The following GRK7 variants were observed in gnomAD, a reference collection of about 807,000 sequenced individuals.
GRK7 encodes rhodopsin kinase GRK7.
GRK7 carries 24 observed loss-of-function variants against 34.1 expected under a neutral mutation model. The observed-to-expected ratio is 0.70, with a 90% CI of 0.51 to 0.99. The LOEUF is 0.99. GRK7 is among the 50% of genes least tolerant of loss of function. The probability of loss-of-function intolerance (pLI) is 0.00; values close to 1 mark genes in which losing one functional copy is unlikely to be tolerated. For synonymous variants in GRK7, 256 were observed against 279.4 expected (o/e 0.92, Z 0.84); for missense variants, 644 against 707.3 (o/e 0.91, Z 1.02).
intron 4 of GRK7, among the ~76,000 whole-genome samples, chr3:141,805,060 A>C (rs1395107378): frequency 1.2e-4 from 1 of 8,452 alleles, no homozygotes; most frequent in African/African-American, 3.7e-3. Flanking sequence ...TCATATGCCC[A>C]CACACACACA....
chr3:141,780,467 G>A lies in GRK7; in HGVS notation c.706G>A (p.Ala236Thr), dbSNP rs372254837. 4.6e-5 allele frequency: 74 copies of A among 1,614,104 alleles called. No individual in the cohort carries two copies. Among genetic ancestry groups the A allele is most frequent in the Non-Finnish European group, 5.7e-5 (67 of 1,180,050 alleles). The change falls in exon 4 of 6, where the codon GCT (alanine) becomes ACT (threonine). Residue 236 changes from alanine to threonine, a missense_variant. By Grantham distance (58) the Ala-to-Thr change is moderately conservative. Coordinates refer to ENST00000682958, the MANE Select transcript of GRK7 (RefSeq NM_139209.3). ...GAAGAAGAAAGGTGGCGAGAAGATG[G>A]CTCTCTTGGAAAAGGAAATCTTGGA... The part of the protein sequence containing the change: ...RLKKKGGEKM[A>T]LLEKEILEKV...
At chr3:141,813,969 C>T (rs980116000) in intron 5 of GRK7, among the ~76,000 whole-genome samples, 3 of 152,088 alleles carry the variant, frequency 2.0e-5, no homozygotes, top group Non-Finnish European at 4.4e-5. Context: ...GTCAGTTATC[C>T]TCATTCTTGT....
intron 4 of GRK7, among the ~76,000 whole-genome samples, chr3:141,786,348 C>T (rs2084696148): frequency 6.6e-6 from 1 of 152,144 alleles, no homozygotes; most frequent in Non-Finnish European, 1.5e-5. Context: ...TCTAAGATGG[C>T]CCCCCATCAA....
Position 141,817,824 on chromosome 3 carries a change from CCCAT to C in GRK7, c.*779_*782del, listed in dbSNP as rs1711169367. On this transcript the variant is annotated 3_prime_UTR_variant, in exon 6 of 6. Transcript: ENST00000682958. ...TCTTTTAAAAAACTAATGCCTGATT[CCCAT>C]CCATAGACATTCTGATCCCCACTCC... 6.6e-6 allele frequency: 1 copy of C among 152,164 alleles called. No individual in the cohort carries two copies. The highest frequency in any genetic ancestry group is 2.4e-5 in the African/African-American group (1 of 41,440). The allele number at this position is 152,164 out of a possible 1,614,324, so 9.4% of individuals were successfully genotyped here.
the GRK7 span, among the ~76,000 whole-genome samples, chr3:141,752,120 A>G: frequency 6.6e-6 from 1 of 152,252 alleles, no homozygotes; most frequent in African/African-American, 2.4e-5. Flanking sequence ...AAAAAATACA[A>G]AGATTCCAAA....
intron 1 of GRK7, among the ~76,000 whole-genome samples, chr3:141,771,692 AT>A (rs142457397): frequency 7.4e-5 from 11 of 149,546 alleles, no homozygotes; most frequent in African/African-American, 9.8e-5. Context: ...TCCCAAATCT[AT>A]TTTTTTTTTG....
chr3:141,752,474 A>T, the GRK7 span, among the ~76,000 whole-genome samples: 1 of 152,240 alleles, frequency 6.6e-6, no homozygotes. Flanking sequence ...CCAAAATGTC[A>T]TCAGCAGTGA....
intron 2 of GRK7, among the ~76,000 whole-genome samples, chr3:141,776,969 A>G (rs1043366796): frequency 6.6e-6 from 1 of 152,092 alleles, no homozygotes; most frequent in Non-Finnish European, 1.5e-5. Context: ...GTCTAGATCA[A>G]TTTCTGTCTT....
intron 2 of GRK7, among the ~76,000 whole-genome samples, 117 bp downstream of exon 2, chr3:141,774,797 TATTATTATTATTATTATTA>T (rs1335087220): frequency 6.1e-4 from 91 of 149,244 alleles, no homozygotes; most frequent in African/African-American, 2.1e-3. Flanking sequence ...TTATTATTAT[TATTATTATTATTATTATTA>T]ATTATTATTA....
chr3:141,804,942 CACAT>C (rs748827301), intron 4 of GRK7, among the ~76,000 whole-genome samples: 5 of 151,520 alleles, frequency 3.3e-5, no homozygotes, highest in Non-Finnish European at 5.9e-5. Flanking sequence ...CACATACACT[CACAT>C]ACACACATAC....
intron 4 of GRK7, among the ~76,000 whole-genome samples, chr3:141,803,719 T>G (rs1710995431): frequency 6.6e-6 from 1 of 152,210 alleles, no homozygotes; most frequent in Non-Finnish European, 1.5e-5. Context: ...CATTCCTTTC[T>G]TCCCCTCTCT....
At chr3:141,753,801 T>A in the GRK7 span, among the ~76,000 whole-genome samples, 1 of 152,254 alleles carries the variant, frequency 6.6e-6, no homozygotes, top group Admixed American at 6.5e-5. Flanking sequence ...AAGATATCAT[T>A]GGTAAAAAAT....
intron 4 of GRK7, among the ~76,000 whole-genome samples, chr3:141,788,666 A>G (rs2084708251): frequency 6.6e-6 from 1 of 152,180 alleles, no homozygotes. Flanking sequence ...GCAGACACGC[A>G]AGGAGATGCC....
chr3:141,809,741 C>G (rs1364216262), intron 5 of GRK7, among the ~76,000 whole-genome samples: 1 of 152,026 alleles, frequency 6.6e-6, no homozygotes, highest in African/African-American at 2.4e-5. Context: ...TAAAAGTTGG[C>G]CTGTGAAAAG....
chr3:141,767,511 C>T (rs947567301), intron 1 of GRK7, among the ~76,000 whole-genome samples: 1 of 152,126 alleles, frequency 6.6e-6, no homozygotes, highest in Non-Finnish European at 1.5e-5. Context: ...ACCAATCCTC[C>T]TACCTCAGCC....
At chr3:141,786,342 A>G (rs2084696116) in intron 4 of GRK7, among the ~76,000 whole-genome samples, 1 of 152,192 alleles carries the variant, frequency 6.6e-6, no homozygotes, top group Non-Finnish European at 1.5e-5. Context: ...CAAAATTCTA[A>G]GATGGCCCCC....
At position 141,816,755 on chromosome 3, in the gene GRK7, C is replaced by T. The variant is rs374742928; in HGVS notation, c.1367C>T (p.Thr456Met). 110 of 1,555,194 alleles carry T rather than the reference C, an allele frequency of 7.1e-5. No individual in the cohort carries two copies. In the African/African-American group the frequency reaches 1.1e-3, roughly 16 times the overall value. The change falls in exon 6 of 6, where the codon ACG (threonine) becomes ATG (methionine). Residue 456 changes from threonine to methionine, a missense_variant. Transcript: ENST00000682958. ...CCCAGGAAACATCATTTCTTTAAAA[C>T]GATCAACTTTCCTCGCCTGGAAGCT... Reference protein sequence around the residue: ...DDPRKHHFFKTINFPRLEAGL... With the variant: ...DDPRKHHFFKMINFPRLEAGL...
At chr3:141,758,763 G>A (rs1343006679), upstream of GRK7, among the ~76,000 whole-genome samples, 7 of 146,562 alleles carry the variant, frequency 4.8e-5, no homozygotes, top group South Asian at 2.2e-4. Flanking sequence ...CCATTTTCAC[G>A]ATATTGATTC....
rs201037787 is a variant in GRK7 at position 141,817,037 on chromosome 3, G to A, written c.1649G>A (p.Cys550Tyr). 35 of 1,597,120 alleles carry A rather than the reference G, an allele frequency of 2.2e-5. No homozygotes were observed. The East Asian group carries it at 5.1e-4, about 23-fold the overall frequency. The change falls in exon 6 of 6, where the codon TGT becomes TAT. Residue 550 changes from cysteine (C) to tyrosine (Y), a missense_variant. Coordinates refer to ENST00000682958, the MANE Select transcript of GRK7 (RefSeq NM_139209.3). The stretch of plus-strand genomic sequence containing the variant: ...GGTAATTCATCCAAGTCTGGCGTGT[G>A]TTTGTTATTGTAAATTGCTCTCTTT... ...EEGNSSKSGV[C>Y]LLL
Sources: gnomAD v4.1 joint callset for allele counts (sites outside exome capture counted in the v4.1 genomes callset) on GRCh38, gnomAD v4.1.1 for gene constraint, MANE v1.5 for transcripts, NCBI Gene and HGNC (gene_info 2026-07-23, HGNC 2026-07-21) for gene names.